SH3TC1: variants seen among roughly 807,000 people sequenced by gnomAD.
SH3TC1 encodes the protein SH3 domain and tetratricopeptide repeats 1.
In SH3TC1, 135 loss-of-function variants were observed where a neutral mutation model predicts 117.3. The observed-to-expected ratio is 1.15, with a 90% CI of 1.00 to 1.33. The LOEUF (loss-of-function observed/expected upper bound fraction) is 1.33. SH3TC1 is among the 40% of genes most tolerant of loss of function. SH3TC1 has a pLI of 0.00. For synonymous variants in SH3TC1, 898 were observed against 816.9 expected, an observed-to-expected ratio of 1.10 and a Z score of -1.69; for missense variants, 2,092 against 1,794.3, an observed-to-expected ratio of 1.17 and a Z score of -3.00.
At chr4:8,202,913 G>A (rs1165780789) in intron 1 of SH3TC1, among the ~76,000 whole-genome samples, 1 of 152,202 alleles carries the variant, frequency 6.6e-6, no homozygotes, top group East Asian at 1.9e-4. Flanking sequence ...TAGACCGTGG[G>A]CTCCTCCCGC....
At chr4:8,214,722 C>A in intron 5 of SH3TC1, 142 bp downstream of exon 5, 2 of 703,436 alleles carry the variant, frequency 2.8e-6, no homozygotes, top group South Asian at 1.8e-5. Context: ...CTTGCTCTGT[C>A]GCCCAGGCTG....
In SH3TC1 at chr4:8,209,140, C is replaced by T. The variant is rs1258233258; in HGVS notation, c.173-608C>T. Among the ~76,000 whole-genome samples, 1 of 152,188 alleles carries T rather than the reference C, an allele frequency of 6.6e-6. No homozygotes were observed. Among genetic ancestry groups the T allele is most frequent in the South Asian group, 2.1e-4 (1 of 4,832 alleles). ...GCCCGTCTGTGGGCTCAGATAAAGT[C>T]CTCCAAAGATGCCCATGTCCTTATC... On this transcript the variant is annotated intron_variant, in intron 2 of 17. Transcript: ENST00000245105. This position sits in a 1 kb window ranked among gnomAD's most constrained non-coding sequence, Gnocchi z 5.9.
rs759955044 is a variant in SH3TC1 at position 8,209,684 on chromosome 4, C to T, written c.173-64C>T. The T allele has an allele frequency of 1.9e-5, 30 of 1,603,208 alleles. 1 individual carries two copies. The highest frequency in any genetic ancestry group is 1.6e-4 in the Middle Eastern group (1 of 6,072). On this transcript the variant is annotated intron_variant, in intron 2 of 17. Coordinates refer to ENST00000245105, the MANE Select transcript of SH3TC1 (RefSeq NM_018986.5). The surrounding 1 kb of genome is among the most constrained non-coding windows in gnomAD (Gnocchi z 5.9). ...TTGCAGAGAGACCTGGAGCGTTTGG[C>T]GCCTTCAGAGGAGCCAGGCCTTTGC... is the stretch of plus-strand genomic sequence containing the variant.
chr4:8,189,627 G>A (rs895783811), intron 1 of SH3TC1, among the ~76,000 whole-genome samples: 7 of 152,124 alleles, frequency 4.6e-5, no homozygotes, highest in Non-Finnish European at 8.8e-5. Context: ...GGGGTCATGC[G>A]CCAAGTGCCC....
intron 2 of SH3TC1, among the ~76,000 whole-genome samples, chr4:8,207,897 T>C (rs1718339018): frequency 1.3e-5 from 2 of 152,192 alleles, no homozygotes; most frequent in African/African-American, 4.8e-5. Flanking sequence ...GGGCCGGAAC[T>C]CTATCAACTT....
chr4:8,197,108 G>T (rs1487432784), upstream of SH3TC1, among the ~76,000 whole-genome samples: 4 of 152,298 alleles, frequency 2.6e-5, no homozygotes, highest in African/African-American at 9.6e-5. Flanking sequence ...TCCAGTGACA[G>T]GGCGCTTAAG....
rs755241625 is a variant in SH3TC1, at chr4:8,227,684, G to A, written c.1990G>A (p.Glu664Lys). 2.1e-5 allele frequency: 32 copies of A among 1,545,326 alleles called. No individual in the cohort carries two copies. The highest frequency in any genetic ancestry group is 1.3e-4 in the Admixed American group (7 of 52,078). Reference sequence around the variant, plus strand: ...GGTGGGTGGCCAGAGCCTGCAGGCCGAGGCCCGGGCCTGCTTCCTGCTGGC... The same window carrying A: ...GGTGGGTGGCCAGAGCCTGCAGGCCAAGGCCCGGGCCTGCTTCCTGCTGGC... ...RAVGGQSLQA[E>K]ARACFLLARH... Residue 664 changes from glutamate (E) to lysine (K), a missense_variant, in exon 12 of 18, where the codon GAG (glutamate) becomes AAG (lysine). By Grantham distance (56) the Glu-to-Lys change is moderately conservative. Coordinates refer to ENST00000245105, the MANE Select transcript of SH3TC1 (RefSeq NM_018986.5).
chr4:8,232,157 G>T lies in SH3TC1; in HGVS notation c.3131+1G>T. ...TCTACCTGTCCCTGGGCACCGAGCGGTGAGGGCTGGCTCTGTGGTGGTGGG... is the reference window on the plus strand; with the variant it reads ...TCTACCTGTCCCTGGGCACCGAGCGTTGAGGGCTGGCTCTGTGGTGGTGGG... On this transcript the variant is annotated splice_donor_variant, in intron 13 of 17. Transcript: ENST00000245105. LOFTEE classifies it high-confidence loss of function. 1 of 1,371,740 alleles carries T rather than the reference G, an allele frequency of 7.3e-7. No individual in the cohort carries two copies. The allele number at this position is 1,371,740 out of a possible 1,614,324, so 85.0% of individuals were successfully genotyped here.
chr4:8,219,577 A>G, intron 9 of SH3TC1, 47 bp downstream of exon 9: 1 of 1,430,092 alleles, frequency 7.0e-7, no homozygotes, highest in Non-Finnish European at 9.2e-7. Context: ...CCCCCATCTC[A>G]CCTAAGGGGA....
chr4:8,226,859 G>A (rs1029240186), intron 11 of SH3TC1, 121 bp from the exon 12 acceptor site: 8 of 619,446 alleles, frequency 1.3e-5, no homozygotes, highest in Middle Eastern at 4.3e-4. Flanking sequence ...CGGTAGGGTG[G>A]TATCGTCTGG....
At chr4:8,188,966 A>G (rs1439024851) in intron 1 of SH3TC1, among the ~76,000 whole-genome samples, 1 of 152,220 alleles carries the variant, frequency 6.6e-6, no homozygotes, top group Non-Finnish European at 1.5e-5. Flanking sequence ...TCGACACATG[A>G]GGCGGGAGAG....
intron 13 of SH3TC1, chr4:8,232,792 C>G (rs369150696): frequency 2.3e-6 from 3 of 1,287,848 alleles, no homozygotes; most frequent in Non-Finnish European, 3.0e-6. Flanking sequence ...CCCGGGAGAT[C>G]GGCTCCAGCC....
intron 9 of SH3TC1, 136 bp from the exon 10 acceptor site, chr4:8,222,704 C>G (rs901050851): frequency 1.9e-6 from 2 of 1,079,962 alleles, no homozygotes; most frequent in African/African-American, 1.6e-5. Context: ...GTTTTTAAAT[C>G]TCTGTCTCTA....
Position 8,241,096 on chromosome 4 carries a change from T to G in SH3TC1, c.*141T>G, listed in dbSNP as rs1373991485. 2 of 1,242,134 alleles carry G rather than the reference T, an allele frequency of 1.6e-6. No individual in the cohort carries two copies. The highest frequency in any genetic ancestry group is 3.0e-5 in the African/African-American group (2 of 65,642). The allele number at this position is 1,242,134 out of a possible 1,614,324, so 76.9% of individuals were successfully genotyped here. ...CAATAAATGGGTTTTGTTTTTTTTT[T>G]GCAATAACTTATTGAAGTCAGCAGG... is the stretch of plus-strand genomic sequence containing the variant. On this transcript the variant is annotated 3_prime_UTR_variant, in exon 18 of 18. Coordinates refer to ENST00000245105, the MANE Select transcript of SH3TC1 (RefSeq NM_018986.5).
chr4:8,208,554 G>C (rs751887343), intron 2 of SH3TC1, among the ~76,000 whole-genome samples: 5 of 152,086 alleles, frequency 3.3e-5, no homozygotes, highest in Non-Finnish European at 7.4e-5. Flanking sequence ...TTTTAGTAAA[G>C]ATGGGGTTTA....
At chr4:8,212,482 C>A (rs1051604100) in intron 3 of SH3TC1, among the ~76,000 whole-genome samples, 3 of 152,204 alleles carry the variant, frequency 2.0e-5, no homozygotes, top group Non-Finnish European at 4.4e-5. Flanking sequence ...AGGCACTCAC[C>A]CCGAAAGAAA....
chr4:8,228,212 C>G lies in SH3TC1; in HGVS notation c.2518C>G (p.Gln840Glu). 1 of 1,608,826 alleles carries G rather than the reference C, an allele frequency of 6.2e-7. No homozygotes were observed. The highest frequency in any genetic ancestry group is 8.5e-7 in the Non-Finnish European group (1 of 1,177,214). Reference protein sequence around the residue: ...ALAWLHVLHGQSPVALDILQS... With the variant: ...ALAWLHVLHGESPVALDILQS... ...GGCCTGGCTGCACGTGCTTCATGGG[C>G]AGAGCCCGGTGGCCCTGGACATCCT... Residue 840 changes from glutamine to glutamate, a missense_variant, in exon 12 of 18, where the codon CAG becomes GAG. Physicochemically the swap from Gln to Glu is conservative, Grantham distance 29 (BLOSUM62 2). Transcript: ENST00000245105.
At chr4:8,234,060 TATC>T (rs1361358225) in intron 14 of SH3TC1, among the ~76,000 whole-genome samples, 2 of 145,816 alleles carry the variant, frequency 1.4e-5, no homozygotes, top group Non-Finnish European at 3.0e-5. Context: ...TCCATCCTTT[TATC>T]ATCCATCCAT....
chr4:8,216,958 G>T lies in SH3TC1; in HGVS notation c.630G>T (p.Gly210=), dbSNP rs572575282. ...GTGACCACCTCCATCCTTTTGAAGG[G>T]CCCTTCTTTGTCCTGTGTCCTGACC... The part of the protein sequence containing the change: ...LTHESLLIQE[G]PFFVLCPDHH... Residue 210 remains glycine (G), a splice_region_variant and synonymous_variant, in exon 7 of 18, where the codon GGG becomes GGT. Transcript: ENST00000245105. 2.7e-5 allele frequency: 44 copies of T among 1,614,078 alleles called. No individual in the cohort carries two copies. In the South Asian group the frequency reaches 3.8e-4, roughly 14 times the overall value.
Sources: allele counts gnomAD v4.1 joint callset (sites outside exome capture counted in the v4.1 genomes callset), GRCh38; gene constraint gnomAD v4.1.1; non-coding constraint Gnocchi (gnomAD v3.1); transcripts MANE v1.5; gene names NCBI Gene and HGNC (gene_info 2026-07-23, HGNC 2026-07-21).